CDYL2: variants seen among roughly 807,000 people sequenced by gnomAD.
CDYL2 encodes chromodomain Y-like protein 2.
In CDYL2, 23 loss-of-function variants were observed where a neutral mutation model predicts 49.4. The observed-to-expected ratio is 0.47, with a 90% CI of 0.34 to 0.66. The LOEUF (loss-of-function observed/expected upper bound fraction) is 0.66. CDYL2 is among the 30% of genes least tolerant of loss of function. CDYL2 has a pLI of 0.01. For missense variants in CDYL2, 678 were observed against 656.4 expected (o/e 1.03, Z -0.36); for synonymous variants, 360 against 268.8 (o/e 1.34, Z -3.32).
At chr16:80,696,354 C>A (rs1378035393) in intron 1 of CDYL2, among the ~76,000 whole-genome samples, 1 of 151,694 alleles carries the variant, frequency 6.6e-6, no homozygotes, top group African/African-American at 2.4e-5. Flanking sequence ...AAGAAAAAAC[C>A]GAACTCAATA....
At chr16:80,658,790 A>C (rs1218282954) in intron 2 of CDYL2, among the ~76,000 whole-genome samples, 3 of 152,206 alleles carry the variant, frequency 2.0e-5, no homozygotes, top group African/African-American at 4.8e-5. Context: ...CACTAAAATA[A>C]ACAAGGGCTC....
chr16:80,747,294 C>G (rs1905964723), intron 1 of CDYL2, among the ~76,000 whole-genome samples: 1 of 151,950 alleles, frequency 6.6e-6, no homozygotes, highest in South Asian at 2.1e-4. Context: ...GGTTCAAATC[C>G]CAGCCTGGCA....
At position 80,611,938 on chromosome 16, in the gene CDYL2, C is replaced by T. The variant is rs114438113; in HGVS notation, c.1218+688G>A. ...GCTCTGTCTGCCCCACCTGGTGACA[C>T]GACTTCTCTGAGCTTAACGTTCCAT... On this transcript the variant is annotated intron_variant, in intron 5 of 6. Transcript: ENST00000570137. 5.7e-3 allele frequency among the ~76,000 whole-genome samples: 870 copies of T among 152,322 alleles called. 6 individuals carry two copies. The highest frequency in any genetic ancestry group is 0.019 in the African/African-American group (800 of 41,562).
At chr16:80,677,714 G>A (rs1458186350) in intron 2 of CDYL2, among the ~76,000 whole-genome samples, 3 of 151,746 alleles carry the variant, frequency 2.0e-5, no homozygotes, top group Admixed American at 2.0e-4. Flanking sequence ...ACTCCAGCCT[G>A]GGCGACAGAG....
chr16:80,702,580 T>A (rs954198933), intron 1 of CDYL2, among the ~76,000 whole-genome samples: 1 of 152,010 alleles, frequency 6.6e-6, no homozygotes, highest in Non-Finnish European at 1.5e-5. Context: ...TGACAACCCA[T>A]CTCTACAAAA....
intron 1 of CDYL2, among the ~76,000 whole-genome samples, chr16:80,703,319 G>C (rs925739886): frequency 6.6e-6 from 1 of 152,130 alleles, no homozygotes; most frequent in Non-Finnish European, 1.5e-5. Context: ...CTAGACTGTG[G>C]CCTCCTTGAT....
In CDYL2 at chr16:80,620,758, C is replaced by T. The variant is rs942854968; in HGVS notation, c.1007+5G>A. 5 of 1,589,112 alleles carry T rather than the reference C, an allele frequency of 3.1e-6. No homozygotes were observed. In the African/African-American group the frequency reaches 6.7e-5, roughly 21 times the overall value. On this transcript the variant is annotated splice_donor_5th_base_variant and intron_variant, in intron 4 of 6. Transcript: ENST00000570137. ...CCAGGGTGTGTGAAAAGGAGCACAG[C>T]TCACCTGATGGCTTCTGCAATCCGA...
chr16:80,770,489 C>T (rs1906869395), intron 1 of CDYL2, among the ~76,000 whole-genome samples: 1 of 152,020 alleles, frequency 6.6e-6, no homozygotes, highest in Non-Finnish European at 1.5e-5. Context: ...GAAAAAAATA[C>T]ATTTTCTATT....
At chr16:80,673,863 A>G (rs1909632289) in intron 2 of CDYL2, among the ~76,000 whole-genome samples, 1 of 152,158 alleles carries the variant, frequency 6.6e-6, no homozygotes. Context: ...AGTCCTTGTA[A>G]GAGGGAGGCA....
At chr16:80,653,508 ATTTAT>A (rs1908676305) in intron 2 of CDYL2, among the ~76,000 whole-genome samples, 1 of 152,256 alleles carries the variant, frequency 6.6e-6, no homozygotes, top group East Asian at 1.9e-4. Flanking sequence ...AAAAAGTGAA[ATTTAT>A]TTTAAAGAGT....
At chr16:80,739,108 A>G (rs571528292) in intron 1 of CDYL2, among the ~76,000 whole-genome samples, 1 of 152,354 alleles carries the variant, frequency 6.6e-6, no homozygotes, top group East Asian at 1.9e-4. Context: ...ATACTTCAAT[A>G]TGGATGAACG....
chr16:80,725,542 T>A (rs912803672), intron 1 of CDYL2, among the ~76,000 whole-genome samples: 1 of 152,172 alleles, frequency 6.6e-6, no homozygotes, highest in Admixed American at 6.5e-5. Context: ...AGTCTACAAA[T>A]CTCATCCTAC....
chr16:80,748,922 A>G (rs1377832380), intron 1 of CDYL2, among the ~76,000 whole-genome samples: 1 of 152,202 alleles, frequency 6.6e-6, no homozygotes, highest in Admixed American at 6.5e-5. Flanking sequence ...AAAGTCATAG[A>G]AGGGGCTAAT....
At chr16:80,662,512 T>C (rs1433222939) in intron 2 of CDYL2, among the ~76,000 whole-genome samples, 2 of 152,158 alleles carry the variant, frequency 1.3e-5, no homozygotes, top group Non-Finnish European at 2.9e-5. Flanking sequence ...TCCTCTCCCA[T>C]GTTCATTCAG....
intron 2 of CDYL2, among the ~76,000 whole-genome samples, chr16:80,647,660 T>C (rs542958282): frequency 6.6e-6 from 1 of 152,284 alleles, no homozygotes; most frequent in Non-Finnish European, 1.5e-5. Context: ...AAAGAAATAT[T>C]GGACTTCATC....
chr16:80,792,046 G>A (rs922664179), intron 1 of CDYL2, among the ~76,000 whole-genome samples: 8 of 152,174 alleles, frequency 5.3e-5, no homozygotes, highest in East Asian at 1.9e-4. Flanking sequence ...TGGCATCTGC[G>A]CAAAACAAAG....
Position 80,712,425 on chromosome 16 carries a change from G to T in CDYL2, c.25-27296C>A, listed in dbSNP as rs1436134959. On this transcript the variant is annotated intron_variant, in intron 1 of 6. Transcript: ENST00000570137. ...ATTCGTCAATGTCACAACATTGCTGGTCCCTGGCTGCTCTCCATGTCGGCT... is the reference window on the plus strand; with the variant it reads ...ATTCGTCAATGTCACAACATTGCTGTTCCCTGGCTGCTCTCCATGTCGGCT... 2.0e-5 allele frequency among the ~76,000 whole-genome samples: 3 copies of T among 151,766 alleles called. 1 individual carries two copies. The highest frequency in any genetic ancestry group is 1.3e-4 in the Admixed American group (2 of 15,212).
intron 3 of CDYL2, among the ~76,000 whole-genome samples, chr16:80,632,172 G>A (rs9938384): frequency 1.3e-4 from 20 of 151,888 alleles, no homozygotes; most frequent in African/African-American, 4.1e-4. Flanking sequence ...GCCAAAAGTC[G>A]AACAAATAGA....
chr16:80,664,188 T>G (rs1909164543), intron 2 of CDYL2, among the ~76,000 whole-genome samples: 1 of 152,172 alleles, frequency 6.6e-6, no homozygotes, highest in Admixed American at 6.5e-5. Context: ...TTTCTGGCCT[T>G]AACTCCCACT....
Sources: gnomAD v4.1 joint callset for allele counts (sites outside exome capture counted in the v4.1 genomes callset) on GRCh38, gnomAD v4.1.1 for gene constraint, MANE v1.5 for transcripts, NCBI Gene and HGNC (gene_info 2026-07-23, HGNC 2026-07-21) for gene names.